Variants in ARHGAP24 observed in about 807,000 individuals in gnomAD.
ARHGAP24 encodes rho GTPase-activating protein 24.
ARHGAP24 carries 50 observed loss-of-function variants against 76.4 expected under a neutral mutation model. That is an observed-to-expected ratio of 0.65 (90% CI 0.52 to 0.83). ARHGAP24 has a LOEUF of 0.83. Among genes scored for constraint, ARHGAP24 ranks in the 40% least tolerant of loss-of-function variants. The pLI is 0.00. For missense variants in ARHGAP24, 930 were observed against 914.2 expected (o/e 1.02, Z -0.22); for synonymous variants, 345 against 323.3 (o/e 1.07, Z -0.72).
chr4:85,492,062 C>T (rs564493689), intron 1 of ARHGAP24, among the ~76,000 whole-genome samples: 7 of 151,694 alleles, frequency 4.6e-5, no homozygotes, highest in African/African-American at 1.7e-4. Context: ...TTCCCTCTTC[C>T]TCCCGTATTT....
intron 3 of ARHGAP24, among the ~76,000 whole-genome samples, chr4:85,880,273 TG>T (rs1172451079): frequency 6.6e-6 from 1 of 152,160 alleles, no homozygotes; most frequent in Non-Finnish European, 1.5e-5. Flanking sequence ...AATGCCTACA[TG>T]TTAAGATGAA....
chr4:85,733,418 G>T (rs184099344), intron 3 of ARHGAP24, among the ~76,000 whole-genome samples: 21 of 152,128 alleles, frequency 1.4e-4, no homozygotes, highest in Admixed American at 1.4e-3. Flanking sequence ...AAGGGGCACT[G>T]GTTTAAGGAC....
At chr4:85,980,797 T>C (rs1299318205) in intron 8 of ARHGAP24, among the ~76,000 whole-genome samples, 1 of 152,180 alleles carries the variant, frequency 6.6e-6, no homozygotes, top group Admixed American at 6.5e-5. Context: ...TGTATTTTCA[T>C]AGTAATATGA....
intron 3 of ARHGAP24, among the ~76,000 whole-genome samples, chr4:85,747,595 C>T (rs1055976250): frequency 6.6e-6 from 1 of 151,906 alleles, no homozygotes; most frequent in Admixed American, 6.6e-5. Context: ...CCCAGCTACT[C>T]GGGAGGCTGA....
intron 3 of ARHGAP24, among the ~76,000 whole-genome samples, chr4:85,920,460 A>G (rs1048975144): frequency 1.3e-5 from 2 of 152,250 alleles, no homozygotes; most frequent in Non-Finnish European, 2.9e-5. Context: ...CATTCAGGAC[A>G]TAGACACAGG....
intron 1 of ARHGAP24, among the ~76,000 whole-genome samples, chr4:85,491,651 G>A (rs1723361971): frequency 6.6e-6 from 1 of 152,130 alleles, no homozygotes; most frequent in Non-Finnish European, 1.5e-5. Flanking sequence ...TGGAACTGAT[G>A]GTTTTTATCT....
chr4:85,531,927 A>C (rs990665916), intron 1 of ARHGAP24, among the ~76,000 whole-genome samples: 1 of 152,078 alleles, frequency 6.6e-6, no homozygotes, highest in African/African-American at 2.4e-5. Flanking sequence ...TTTATTACCA[A>C]CTAACACCTA....
chr4:85,784,153 A>C (rs1162379111), intron 3 of ARHGAP24, among the ~76,000 whole-genome samples: 1 of 152,192 alleles, frequency 6.6e-6, no homozygotes, highest in Non-Finnish European at 1.5e-5. Flanking sequence ...GTTAAATTCA[A>C]CAGCTTTTTA....
chr4:85,526,016 C>T lies in ARHGAP24; in HGVS notation c.-20-44506C>T, dbSNP rs17010344. 5.4e-3 allele frequency among the ~76,000 whole-genome samples: 823 copies of T among 152,236 alleles called. 9 individuals are homozygous for T. Among genetic ancestry groups the T allele is most frequent in the African/African-American group, 0.018 (748 of 41,530 alleles). ...TTAATTCTTTTGTTCCATTTCCCTCCTTTGAAACTGAGATAATGGACCTAA... is the reference window on the plus strand; with the variant it reads ...TTAATTCTTTTGTTCCATTTCCCTCTTTTGAAACTGAGATAATGGACCTAA... On this transcript the variant is annotated intron_variant, in intron 1 of 9. Transcript: ENST00000395184.
chr4:85,863,466 A>G (rs921417078), intron 3 of ARHGAP24, among the ~76,000 whole-genome samples: 1 of 152,100 alleles, frequency 6.6e-6, no homozygotes, highest in Non-Finnish European at 1.5e-5. Context: ...AAGCTCAGTG[A>G]AGTCAAAGGC....
chr4:85,943,676 T>G (rs1737078853), intron 5 of ARHGAP24, among the ~76,000 whole-genome samples: 1 of 152,142 alleles, frequency 6.6e-6, no homozygotes, highest in South Asian at 2.1e-4. Context: ...ATTCTCATTG[T>G]GCAACTCCCA....
intron 1 of ARHGAP24, among the ~76,000 whole-genome samples, chr4:85,555,147 TAAG>T (rs1021837753): frequency 6.6e-6 from 1 of 152,226 alleles, no homozygotes; most frequent in Admixed American, 6.5e-5. Flanking sequence ...TCATCCTGGT[TAAG>T]AATTCCTGCT....
intron 3 of ARHGAP24, among the ~76,000 whole-genome samples, chr4:85,908,638 A>G (rs1734905211): frequency 1.3e-5 from 2 of 152,188 alleles, no homozygotes; most frequent in Admixed American, 1.3e-4. Flanking sequence ...AAAGTGTAAT[A>G]ATAATGATTC....
chr4:85,852,518 G>A (rs1370439926), intron 3 of ARHGAP24, among the ~76,000 whole-genome samples: 4 of 152,202 alleles, frequency 2.6e-5, no homozygotes, highest in Non-Finnish European at 5.9e-5. Context: ...ATCCTTTGGA[G>A]GAGAAGAGGC....
chr4:85,731,737 T>C (rs1311198233), intron 3 of ARHGAP24, among the ~76,000 whole-genome samples: 2 of 152,206 alleles, frequency 1.3e-5, no homozygotes, highest in Non-Finnish European at 2.9e-5. Context: ...AATAGCTAGA[T>C]GGAGGATATT....
At chr4:85,714,876 C>G (rs1724677922) in intron 2 of ARHGAP24, among the ~76,000 whole-genome samples, 1 of 152,104 alleles carries the variant, frequency 6.6e-6, no homozygotes, top group African/African-American at 2.4e-5. Context: ...GCTTTAATAG[C>G]AGCCATTGAT....
chr4:85,517,288 T>C lies in ARHGAP24; in HGVS notation c.-21+41729T>C, dbSNP rs567104125. 1.2e-4 allele frequency among the ~76,000 whole-genome samples: 18 copies of C among 152,274 alleles called. No homozygotes were observed. The South Asian group carries it at 3.7e-3, about 32-fold the overall frequency. ...ATTTTTAAACAAATAGCCCCCTTTATTTTAAACAAATAGCCCCCCTCTCAT... is the reference window on the plus strand; with the variant it reads ...ATTTTTAAACAAATAGCCCCCTTTACTTTAAACAAATAGCCCCCCTCTCAT... On this transcript the variant is annotated intron_variant, in intron 1 of 9. Coordinates refer to ENST00000395184, the MANE Select transcript of ARHGAP24 (RefSeq NM_001025616.3).
intron 2 of ARHGAP24, among the ~76,000 whole-genome samples, chr4:85,617,964 A>G (rs1450541532): frequency 6.6e-6 from 1 of 152,102 alleles, no homozygotes; most frequent in African/African-American, 2.4e-5. Flanking sequence ...TAATACATCC[A>G]CCTCCTCACG....
chr4:85,608,031 C>A (rs1420828486), intron 2 of ARHGAP24, among the ~76,000 whole-genome samples: 2 of 151,840 alleles, frequency 1.3e-5, no homozygotes, highest in Admixed American at 1.3e-4. Context: ...AGCTAAGGAG[C>A]GAATGAAAAT....
Sources: allele counts gnomAD v4.1 joint callset (sites outside exome capture counted in the v4.1 genomes callset), GRCh38; gene constraint gnomAD v4.1.1; transcripts MANE v1.5; gene names NCBI Gene and HGNC (gene_info 2026-07-23, HGNC 2026-07-21).